SUFU: variants seen among roughly 807,000 people sequenced by gnomAD.
SUFU encodes the protein SUFU negative regulator of hedgehog signaling.
Under a neutral mutation model 58.9 loss-of-function variants are expected in SUFU, and 7 were observed. The ratio of observed to expected loss-of-function variants is 0.12; its 90% CI spans 0.07 to 0.22. SUFU has a LOEUF of 0.22. SUFU is among the 10% of genes least tolerant of loss of function. The probability of loss-of-function intolerance (pLI) is 1.00; values close to 1 mark genes in which losing one functional copy is unlikely to be tolerated. For synonymous variants in SUFU, 232 were observed against 254.8 expected, an observed-to-expected ratio of 0.91 and a Z score of 0.85; for missense variants, 451 against 641.3, an observed-to-expected ratio of 0.70 and a Z score of 3.20.
At chr10:102,533,844 T>G (rs780021400) in intron 2 of SUFU, among the ~76,000 whole-genome samples, 7 of 152,212 alleles carry the variant, frequency 4.6e-5, no homozygotes, top group Non-Finnish European at 5.9e-5. Flanking sequence ...CCTTTTGCCA[T>G]TTAAGGTAGC....
At chr10:102,615,533 C>G (rs1387924121) in intron 9 of SUFU, 131 bp downstream of exon 9, 5 of 1,357,624 alleles carry the variant, frequency 3.7e-6, no homozygotes, top group East Asian at 4.7e-5. Context: ...CCACCAGGCC[C>G]GTGCTTCCCG....
chr10:102,594,168 G>A (rs1242616379), intron 6 of SUFU, 103 bp downstream of exon 6: 6 of 1,163,892 alleles, frequency 5.2e-6, no homozygotes, highest in African/African-American at 4.5e-5. Context: ...TTATGTGTGA[G>A]TGAGTAGAAA....
chr10:102,541,697 C>CTTTTTTTTTT (rs869264798), intron 2 of SUFU, among the ~76,000 whole-genome samples: 14 of 56,092 alleles, frequency 2.5e-4, no homozygotes, highest in Non-Finnish European at 3.4e-4. Context: ...CCGCGCCCGG[C>CTTTTTTTTTT]TTTTTTTTTT....
At chr10:102,525,601 C>G (rs1001990420) in intron 2 of SUFU, among the ~76,000 whole-genome samples, 9 of 152,278 alleles carry the variant, frequency 5.9e-5, no homozygotes, top group African/African-American at 2.2e-4. Context: ...CTCCTAGGTT[C>G]CAGCGATTCT....
intron 3 of SUFU, among the ~76,000 whole-genome samples, chr10:102,575,371 GT>G (rs1590045451): frequency 6.6e-6 from 1 of 152,314 alleles, no homozygotes; most frequent in East Asian, 1.9e-4. Flanking sequence ...ATTTCTTACA[GT>G]TATGGAGGCT....
chr10:102,627,484 C>G (rs1465558493), intron 11 of SUFU, among the ~76,000 whole-genome samples: 1 of 152,222 alleles, frequency 6.6e-6, no homozygotes, highest in Non-Finnish European at 1.5e-5. Flanking sequence ...ACCCCCAGCC[C>G]TTGTAAGGAC....
At chr10:102,562,946 T>A (rs1028032414) in intron 3 of SUFU, among the ~76,000 whole-genome samples, 2 of 152,164 alleles carry the variant, frequency 1.3e-5, no homozygotes, top group Non-Finnish European at 2.9e-5. Context: ...TACCTTCTCT[T>A]ATTTAACCTG....
chr10:102,629,599 C>G lies in SUFU; in HGVS notation c.1366-467C>G, dbSNP rs1223226382. Among the ~76,000 whole-genome samples the G allele has an allele frequency of 6.6e-6, 1 of 152,180 alleles. No individual in the cohort carries two copies. The highest frequency in any genetic ancestry group is 2.4e-5 in the African/African-American group (1 of 41,444). ...GCCTCCTTCCCTTTGGAGCCTTTGG[C>G]CAAGTATACAGAGGACAGGTTCCAG... is the stretch of plus-strand genomic sequence containing the variant. On this transcript the variant is annotated intron_variant, in intron 11 of 11. Transcript: ENST00000369902. This position sits in a 1 kb window ranked among gnomAD's most constrained non-coding sequence, Gnocchi z 4.7.
At position 102,632,737 on chromosome 10, in the gene SUFU, A is replaced by G. The variant is rs892927769; in HGVS notation, c.*2582A>G. Reference sequence around the variant, plus strand: ...CTGCAAGCTACTTGGAGACTTGCCTAGTTGTACCCACCCCTCCAGGTCCCT... The same window carrying G: ...CTGCAAGCTACTTGGAGACTTGCCTGGTTGTACCCACCCCTCCAGGTCCCT... On this transcript the variant is annotated 3_prime_UTR_variant, in exon 12 of 12. Coordinates refer to ENST00000369902, the MANE Select transcript of SUFU (RefSeq NM_016169.4). 1 of 233,332 alleles carries G rather than the reference A, an allele frequency of 4.3e-6. No individual in the cohort carries two copies. Among genetic ancestry groups the G allele is most frequent in the East Asian group, 6.0e-5 (1 of 16,586 alleles). The allele number at this position is 233,332 out of a possible 1,614,324, so 14.5% of individuals were successfully genotyped here.
intron 2 of SUFU, among the ~76,000 whole-genome samples, chr10:102,549,286 A>G (rs1437512287): frequency 6.6e-6 from 1 of 152,230 alleles, no homozygotes; most frequent in African/African-American, 2.4e-5. Flanking sequence ...GACTGGGAAG[A>G]CCTCAGGAAA....
At chr10:102,570,296 C>T (rs1360694770) in intron 3 of SUFU, among the ~76,000 whole-genome samples, 1 of 151,910 alleles carries the variant, frequency 6.6e-6, no homozygotes, top group African/African-American at 2.4e-5. Flanking sequence ...GGCTGGAGTG[C>T]AGTGGTGCAA....
intron 2 of SUFU, among the ~76,000 whole-genome samples, chr10:102,533,546 C>T (rs1192781977): frequency 6.6e-6 from 1 of 152,122 alleles, no homozygotes; most frequent in Non-Finnish European, 1.5e-5. Flanking sequence ...TGCACTGCAG[C>T]CTGGGCAACA....
intron 3 of SUFU, among the ~76,000 whole-genome samples, chr10:102,581,068 T>C (rs1458552736): frequency 6.6e-6 from 1 of 150,786 alleles, no homozygotes; most frequent in African/African-American, 2.4e-5. Context: ...TGGTCCCAGC[T>C]ACTTGAGAGG....
At chr10:102,550,235 A>G (rs759523413) in intron 3 of SUFU, 129 bp downstream of exon 3, 1 of 1,429,408 alleles carries the variant, frequency 7.0e-7, no homozygotes, top group Non-Finnish European at 9.5e-7. Context: ...CAATTCTACC[A>G]TGAGGATGGC....
At chr10:102,612,169 TTG>T (rs34032732) in intron 8 of SUFU, among the ~76,000 whole-genome samples, 22,048 of 148,004 alleles carry the variant, frequency 0.15, 1,652 homozygotes, top group African/African-American at 0.17. Context: ...AACTGGGTTC[TTG>T]TGTGTGTGTG....
At chr10:102,568,493 C>T (rs1353454451) in intron 3 of SUFU, among the ~76,000 whole-genome samples, 1 of 152,070 alleles carries the variant, frequency 6.6e-6, no homozygotes, top group Admixed American at 6.6e-5. Flanking sequence ...TGTCTCTATA[C>T]AAAAAATAGG....
upstream of SUFU, among the ~76,000 whole-genome samples, chr10:102,503,042 A>G (rs1171215354): frequency 6.6e-6 from 1 of 152,140 alleles, no homozygotes; most frequent in Non-Finnish European, 1.5e-5. Flanking sequence ...GTCGTAATTC[A>G]TGGATGTTTG....
At chr10:102,520,776 C>T (rs1234288910) in intron 2 of SUFU, among the ~76,000 whole-genome samples, 6 of 152,158 alleles carry the variant, frequency 3.9e-5, no homozygotes, top group South Asian at 2.1e-4. Context: ...GTTAAGATTC[C>T]GCCGTGCCTT....
chr10:102,571,702 A>G, intron 3 of SUFU, among the ~76,000 whole-genome samples: 1 of 152,174 alleles, frequency 6.6e-6, no homozygotes, highest in East Asian at 1.9e-4. Flanking sequence ...AAAACAAAAC[A>G]ACAACAAAAA....
Sources: gnomAD v4.1 joint callset for allele counts (sites outside exome capture counted in the v4.1 genomes callset) on GRCh38, gnomAD v4.1.1 for gene constraint, Gnocchi (gnomAD v3.1) non-coding constraint, MANE v1.5 for transcripts, NCBI Gene and HGNC (gene_info 2026-07-23, HGNC 2026-07-21) for gene names.